Variants in TMEM178B observed in about 807,000 individuals in gnomAD.
The protein encoded by TMEM178B is transmembrane protein 178B.
Under a neutral mutation model 31.0 loss-of-function variants are expected in TMEM178B, and 5 were observed. The ratio of observed to expected loss-of-function variants is 0.16; its 90% confidence interval spans 0.08 to 0.34. The LOEUF (loss-of-function observed/expected upper bound fraction) is 0.34, where lower values mean the gene tolerates loss of function less well. TMEM178B is among the 10% of genes least tolerant of loss of function. The pLI, the probability that TMEM178B is intolerant of heterozygous loss-of-function variation, is 1.00. For synonymous variants in TMEM178B, 164 were observed against 164.0 expected (o/e 1.00, Z 0.00); for missense variants, 275 against 400.3 (o/e 0.69, Z 2.67).
At chr7:141,431,751 T>C (rs1036328438) in intron 2 of TMEM178B, among the ~76,000 whole-genome samples, 6 of 152,192 alleles carry the variant, frequency 3.9e-5, no homozygotes, top group African/African-American at 1.4e-4. Context: ...CTTTTCTTTT[T>C]CTTTTCTAAA....
At chr7:141,334,816 G>T (rs1011070123) in intron 2 of TMEM178B, among the ~76,000 whole-genome samples, 1 of 152,218 alleles carries the variant, frequency 6.6e-6, no homozygotes, top group African/African-American at 2.4e-5. Context: ...ATCCAGGAGA[G>T]GGTTCTATTA....
intron 1 of TMEM178B, among the ~76,000 whole-genome samples, chr7:141,084,375 A>G (rs1794743104): frequency 6.6e-6 from 1 of 152,242 alleles, no homozygotes. Flanking sequence ...AAAAATGTCT[A>G]TTAAGCACCA....
intron 2 of TMEM178B, among the ~76,000 whole-genome samples, chr7:141,346,662 T>C (rs1586905437): frequency 6.6e-6 from 1 of 152,178 alleles, no homozygotes; most frequent in Admixed American, 6.5e-5. Context: ...CTTTGCTTTT[T>C]TTTTTGGAGT....
At chr7:141,328,882 CAG>C in intron 2 of TMEM178B, among the ~76,000 whole-genome samples, 1 of 152,128 alleles carries the variant, frequency 6.6e-6, no homozygotes, top group Admixed American at 6.5e-5. Context: ...AGGTGAGGCT[CAG>C]AGAGTTTCTG....
At chr7:141,449,650 G>C (rs1801827648) in intron 3 of TMEM178B, among the ~76,000 whole-genome samples, 1 of 152,184 alleles carries the variant, frequency 6.6e-6, no homozygotes. Flanking sequence ...ACAGGAGGGA[G>C]GGTGCCTGGC....
At chr7:141,450,822 A>C (rs1586969068) in intron 3 of TMEM178B, among the ~76,000 whole-genome samples, 2 of 152,294 alleles carry the variant, frequency 1.3e-5, no homozygotes, top group Non-Finnish European at 2.9e-5. Flanking sequence ...CTAATTTTGT[A>C]GATAATAAAC....
At chr7:141,488,663 C>A in the TMEM178B span, among the ~76,000 whole-genome samples, 36 of 152,284 alleles carry the variant, frequency 2.4e-4, 1 homozygote, top group South Asian at 7.5e-3. Context: ...TGGTCTTGAT[C>A]TCTTGAGCTC....
intron 2 of TMEM178B, among the ~76,000 whole-genome samples, chr7:141,248,609 A>C (rs780632582): frequency 6.6e-6 from 1 of 152,198 alleles, no homozygotes; most frequent in Non-Finnish European, 1.5e-5. Flanking sequence ...ACTATACTGA[A>C]TTGTACACAA....
rs1179943997 is a variant in TMEM178B at position 141,414,075 on chromosome 7, ATTTTTTTTTT to A, written c.497-23515_497-23506del. 6.7e-4 allele frequency among the ~76,000 whole-genome samples: 39 copies of A among 58,338 alleles called. 9 individuals carry two copies. Among genetic ancestry groups the A allele is most frequent in the Non-Finnish European group, 1.0e-3 (35 of 33,522 alleles). 38.3% of individuals were successfully genotyped at this position (58,338 alleles called of 152,430 possible). A position where few individuals can be genotyped will look rare whatever the true frequency, so the allele number is the denominator to read the frequency against. On this transcript the variant is annotated intron_variant, in intron 2 of 3. Transcript: ENST00000565468. ...ATTACTTAATTTCTCCAAAAACATCATTTTTTTTTTTTTTTTTTTTTTTTTTTGAGACGGA... is the reference window on the plus strand; with the variant it reads ...ATTACTTAATTTCTCCAAAAACATCATTTTTTTTTTTTTTTTTGAGACGGA...
intron 2 of TMEM178B, among the ~76,000 whole-genome samples, chr7:141,413,414 C>T (rs752250971): frequency 6.6e-6 from 1 of 152,118 alleles, no homozygotes; most frequent in Non-Finnish European, 1.5e-5. Flanking sequence ...GGACAAATGG[C>T]ATAACAGCCT....
At chr7:141,295,492 T>C (rs1288042321) in intron 2 of TMEM178B, among the ~76,000 whole-genome samples, 1 of 152,156 alleles carries the variant, frequency 6.6e-6, no homozygotes, top group Non-Finnish European at 1.5e-5. Flanking sequence ...GGATTCCTTA[T>C]GAGGTATCCT....
intron 1 of TMEM178B, among the ~76,000 whole-genome samples, chr7:141,182,230 C>T (rs922859909): frequency 7.2e-5 from 11 of 152,136 alleles, no homozygotes; most frequent in Non-Finnish European, 1.0e-4. Context: ...AGCCTCAGGC[C>T]ACCACGATTG....
rs1240434788 is a variant in TMEM178B, at chr7:141,318,392, G to A, written c.496+105688G>A. Among the ~76,000 whole-genome samples the A allele has an allele frequency of 6.6e-6, 1 of 152,174 alleles. No homozygotes were observed. Among genetic ancestry groups the A allele is most frequent in the South Asian group, 2.1e-4 (1 of 4,828 alleles). On this transcript the variant is annotated intron_variant, in intron 2 of 3. Coordinates refer to ENST00000565468, the MANE Select transcript of TMEM178B (RefSeq NM_001195278.2). This position sits in a 1 kb window ranked among gnomAD's most constrained non-coding sequence, Gnocchi z 4.1. ...GCTTGGTTGTTCACATATCCAAGCT[G>A]GCTTGAATTAATCTAGTGGGGGGAA...
chr7:141,390,396 TTC>T (rs1275566175), intron 2 of TMEM178B, among the ~76,000 whole-genome samples: 2 of 152,234 alleles, frequency 1.3e-5, no homozygotes, highest in Non-Finnish European at 2.9e-5. Flanking sequence ...TTTTGTTTAT[TTC>T]TGTTTCCTAT....
In TMEM178B at chr7:141,343,183, G is replaced by A. The variant is rs528627660; in HGVS notation, c.497-94425G>A. Among the ~76,000 whole-genome samples the A allele has an allele frequency of 1.8e-3, 271 of 152,334 alleles. 2 individuals carry two copies. In the South Asian group the frequency reaches 0.018, roughly 10 times the overall value. ...TAGACTTCACTCACATCTCTGGACC[G>A]TGTAGGTCTGATTCATCCCCGTACC... On this transcript the variant is annotated intron_variant, in intron 2 of 3. Coordinates refer to ENST00000565468, the MANE Select transcript of TMEM178B (RefSeq NM_001195278.2).
At chr7:141,180,110 T>C (rs1181904504) in intron 1 of TMEM178B, among the ~76,000 whole-genome samples, 11 of 152,300 alleles carry the variant, frequency 7.2e-5, no homozygotes, top group Non-Finnish European at 1.6e-4. Flanking sequence ...ATGGTGTTTT[T>C]CTTTGTGCTT....
At position 141,477,710 on chromosome 7, in the gene TMEM178B, T is replaced by TC. The variant is rs1296290732; in HGVS notation, c.*6928dup. The TC allele has an allele frequency of 6.6e-6, 1 of 152,054 alleles. No homozygotes were observed. The highest frequency in any genetic ancestry group is 1.5e-5 in the Non-Finnish European group (1 of 68,022). 9.4% of individuals were successfully genotyped at this position (152,054 alleles called of 1,614,324 possible). A position where few individuals can be genotyped will look rare whatever the true frequency, so the allele number is the denominator to read the frequency against. On this transcript the variant is annotated 3_prime_UTR_variant, in exon 4 of 4. Coordinates refer to ENST00000565468, the MANE Select transcript of TMEM178B (RefSeq NM_001195278.2). Reference sequence around the variant, plus strand: ...CTTCCAGGGCTCTGGGGGTGCGCAGTCCCCTTGTGTATTTTGCTGCTATTT... The same window carrying TC: ...CTTCCAGGGCTCTGGGGGTGCGCAGTCCCCCTTGTGTATTTTGCTGCTATTT...
intron 1 of TMEM178B, among the ~76,000 whole-genome samples, chr7:141,101,082 G>T (rs955842190): frequency 1.3e-5 from 2 of 152,142 alleles, no homozygotes; most frequent in African/African-American, 4.8e-5. Context: ...CCACAGGCTC[G>T]ATTTGATTAC....
intron 2 of TMEM178B, among the ~76,000 whole-genome samples, chr7:141,303,098 T>C (rs73737739): frequency 9.3e-4 from 142 of 152,320 alleles, no homozygotes; most frequent in African/African-American, 3.2e-3. Context: ...AGGTTCTTTC[T>C]CGAGGTATCA....
Sources: gnomAD v4.1 joint callset for allele counts (sites outside exome capture counted in the v4.1 genomes callset) on GRCh38, gnomAD v4.1.1 for gene constraint, Gnocchi (gnomAD v3.1) non-coding constraint, MANE v1.5 for transcripts, NCBI Gene and HGNC (gene_info 2026-07-23, HGNC 2026-07-21) for gene names.